The following SRC variants were observed in gnomAD, a reference collection of about 807,000 sequenced individuals.
SRC encodes the protein proto-oncogene tyrosine-protein kinase Src.
SRC carries 13 observed loss-of-function variants against 62.9 expected under a neutral mutation model. That is an observed-to-expected ratio of 0.21 (90% CI 0.13 to 0.33). SRC has a LOEUF of 0.33. Among genes scored for constraint, SRC ranks in the 10% least tolerant of loss-of-function variants. The pLI is 1.00. For missense variants in SRC, 457 were observed against 737.3 expected, an observed-to-expected ratio of 0.62 and a Z score of 4.40; for synonymous variants, 302 against 317.5, an observed-to-expected ratio of 0.95 and a Z score of 0.52.
chr20:37,371,673 G>C (rs999680178), intron 2 of SRC, among the ~76,000 whole-genome samples: 1 of 151,908 alleles, frequency 6.6e-6, no homozygotes, highest in African/African-American at 2.4e-5. Flanking sequence ...TTAGGTTATT[G>C]ATTTGAAATC....
intron 5 of SRC, among the ~76,000 whole-genome samples, chr20:37,391,470 CAGAG>C (rs781533136): frequency 9.9e-5 from 15 of 152,192 alleles, no homozygotes; most frequent in Non-Finnish European, 4.4e-5. Flanking sequence ...TGAAAGATCT[CAGAG>C]AGCTGTTTTC....
rs1241057049 is a variant in SRC at position 37,393,939 on chromosome 20, C to G, written c.395C>G (p.Thr132Arg). 1.2e-6 allele frequency: 2 copies of G among 1,614,028 alleles called. No homozygotes were observed. Among genetic ancestry groups the G allele is most frequent in the Non-Finnish European group, 1.7e-6 (2 of 1,180,048 alleles). Residue 132 changes from threonine to arginine, a missense_variant, in exon 6 of 14, where the codon ACA (threonine) becomes AGA (arginine). Coordinates refer to ENST00000373578, the MANE Select transcript of SRC (RefSeq NM_198291.3). Reference protein sequence around the residue: ...WLAHSLSTGQTGYIPSNYVAP... With the variant: ...WLAHSLSTGQRGYIPSNYVAP... Reference sequence around the variant, plus strand: ...GCCCACTCGCTCAGCACAGGACAGACAGGCTACATCCCCAGCAACTACGTG... The same window carrying G: ...GCCCACTCGCTCAGCACAGGACAGAGAGGCTACATCCCCAGCAACTACGTG...
intron 5 of SRC, 171 bp downstream of exon 5, chr20:37,386,345 C>T: frequency 2.7e-6 from 2 of 737,992 alleles, no homozygotes; most frequent in Non-Finnish European, 5.0e-6. Flanking sequence ...CTGGGCAGCA[C>T]CTGCTGTTGC....
chr20:37,369,007 C>G (rs951582331), intron 2 of SRC, among the ~76,000 whole-genome samples: 3 of 152,192 alleles, frequency 2.0e-5, no homozygotes, highest in Non-Finnish European at 4.4e-5. Context: ...AATTGACTGT[C>G]AATGTGATTG....
At chr20:37,380,855 TTTTTC>T (rs1440732212) in intron 2 of SRC, among the ~76,000 whole-genome samples, 1 of 151,922 alleles carries the variant, frequency 6.6e-6, no homozygotes, top group East Asian at 1.9e-4. Flanking sequence ...TTTCTTTTAT[TTTTTC>T]TTTTCTTTTT....
At chr20:37,394,080 G>A in intron 6 of SRC, 87 bp downstream of exon 6, 4 of 1,561,496 alleles carry the variant, frequency 2.6e-6, no homozygotes, top group Non-Finnish European at 3.5e-6. Flanking sequence ...TGGGAGGTCT[G>A]GCTGTCCAGC....
chr20:37,378,615 G>T (rs1254022112), intron 2 of SRC, among the ~76,000 whole-genome samples: 1 of 152,174 alleles, frequency 6.6e-6, no homozygotes, highest in Non-Finnish European at 1.5e-5. Flanking sequence ...TGTAATGGCT[G>T]CACTGCTGTC....
intron 10 of SRC, 89 bp downstream of exon 10, chr20:37,400,383 G>C: frequency 3.2e-6 from 4 of 1,261,230 alleles, no homozygotes; most frequent in Non-Finnish European, 3.2e-6. Context: ...TCTAGAATGG[G>C]CATCTTCAAA....
chr20:37,398,325 C>T lies in SRC; in HGVS notation c.859+471C>T, dbSNP rs1306834809. On this transcript the variant is annotated intron_variant, in intron 9 of 13. Transcript: ENST00000373578. This position sits in a 1 kb window ranked among gnomAD's most constrained non-coding sequence, Gnocchi z 5.2. Reference sequence around the variant, plus strand: ...GCCTGTTAGCGATTTCCCGTCTGACCCTGGAGAAACAGCAAAGCATGAGCA... The same window carrying T: ...GCCTGTTAGCGATTTCCCGTCTGACTCTGGAGAAACAGCAAAGCATGAGCA... Among the ~76,000 whole-genome samples the T allele has an allele frequency of 6.6e-6, 1 of 152,178 alleles. No individual in the cohort carries two copies. Among genetic ancestry groups the T allele is most frequent in the Non-Finnish European group, 1.5e-5 (1 of 68,034 alleles).
chr20:37,371,555 T>C (rs564055311), intron 2 of SRC, among the ~76,000 whole-genome samples: 13 of 152,170 alleles, frequency 8.5e-5, no homozygotes, highest in African/African-American at 3.1e-4. Context: ...TCTCTATTGC[T>C]TTTTATTTTT....
Position 37,367,949 on chromosome 20 carries a change from A to G in SRC, c.-173+2672A>G, listed in dbSNP as rs551158961. On this transcript the variant is annotated intron_variant, in intron 2 of 13. Coordinates refer to ENST00000373578, the MANE Select transcript of SRC (RefSeq NM_198291.3). ...ATGAGCCACTGTAAGAGATTTTTATATATTGTAGATACAAGTCTCTTGTCA... is the reference window on the plus strand; with the variant it reads ...ATGAGCCACTGTAAGAGATTTTTATGTATTGTAGATACAAGTCTCTTGTCA... 9.8e-5 allele frequency among the ~76,000 whole-genome samples: 15 copies of G among 152,314 alleles called. No homozygotes were observed. In the East Asian group the frequency reaches 2.9e-3, roughly 29 times the overall value.
intron 11 of SRC, 62 bp downstream of exon 11, chr20:37,401,740 G>A: frequency 2.2e-6 from 3 of 1,347,130 alleles, no homozygotes; most frequent in Admixed American, 2.0e-5. Flanking sequence ...CCCATCTGGT[G>A]CAGCCAGTTC....
chr20:37,372,870 C>T (rs2146988252), intron 2 of SRC, among the ~76,000 whole-genome samples: 2 of 151,844 alleles, frequency 1.3e-5, no homozygotes, highest in Middle Eastern at 3.4e-3. Context: ...GTCCTTTGAA[C>T]TTGTTTATGA....
chr20:37,403,227 C>G lies in SRC; in HGVS notation c.1459C>G (p.Pro487Ala). The change falls in exon 14 of 14, where the codon CCG (proline) becomes GCG (alanine). Residue 487 changes from proline (P) to alanine (A), a missense_variant. Pro to Ala is a conservative substitution (Grantham distance 27). Transcript: ENST00000373578. The surrounding 1 kb of genome is among the most constrained non-coding windows in gnomAD (Gnocchi z 7.1). ...QVERGYRMPC[P>A]PECPESLHDL... ...GGAGCGGGGCTACCGGATGCCCTGC[C>G]CGCCGGAGTGTCCCGAGTCCCTGCA... 6.3e-7 allele frequency: 1 copy of G among 1,576,590 alleles called. No homozygotes were observed. Among genetic ancestry groups the G allele is most frequent in the Non-Finnish European group, 8.6e-7 (1 of 1,163,488 alleles).
chr20:37,403,136 G>T lies in SRC; in HGVS notation c.1403-35G>T. The stretch of plus-strand genomic sequence containing the variant: ...CTTCCCCCACCCCACTTTCCTCACC[G>T]GAGCCGGGCTCCCCATGCCTCGCTC... On this transcript the variant is annotated intron_variant, in intron 13 of 13. Coordinates refer to ENST00000373578, the MANE Select transcript of SRC (RefSeq NM_198291.3). The surrounding 1 kb of genome is among the most constrained non-coding windows in gnomAD (Gnocchi z 7.1). 6.7e-7 allele frequency: 1 copy of T among 1,502,720 alleles called. No homozygotes were observed. 93.1% of individuals were successfully genotyped at this position (1,502,720 alleles called of 1,614,324 possible).
intron 2 of SRC, among the ~76,000 whole-genome samples, chr20:37,381,397 T>C (rs767133755): frequency 6.6e-6 from 1 of 152,202 alleles, no homozygotes; most frequent in South Asian, 2.1e-4. Context: ...TCATGGCACA[T>C]CAGCCAAGTA....
rs1568644159 is a variant in SRC, at chr20:37,398,310, G to A, written c.859+456G>A. Among the ~76,000 whole-genome samples the A allele has an allele frequency of 1.3e-5, 2 of 152,182 alleles. No homozygotes were observed. The highest frequency in any genetic ancestry group is 4.1e-4 in the South Asian group (2 of 4,830). On this transcript the variant is annotated intron_variant, in intron 9 of 13. Coordinates refer to ENST00000373578, the MANE Select transcript of SRC (RefSeq NM_198291.3). This position sits in a 1 kb window ranked among gnomAD's most constrained non-coding sequence, Gnocchi z 5.2. The stretch of plus-strand genomic sequence containing the variant: ...TCTGGCATGGTCTGGGCCTGTTAGC[G>A]ATTTCCCGTCTGACCCTGGAGAAAC...
intron 5 of SRC, among the ~76,000 whole-genome samples, chr20:37,389,020 C>A (rs1003848633): frequency 6.6e-6 from 1 of 152,106 alleles, no homozygotes; most frequent in African/African-American, 2.4e-5. Context: ...GGAGGCTGGG[C>A]TGGCTGTCAG....
rs148049198 is a variant in SRC at position 37,397,806 on chromosome 20, C to T, written c.811C>T (p.Arg271Trp). ...CTGGGAGATCCCTCGGGAGTCGCTG[C>T]GGCTGGAGGTCAAGCTGGGCCAGGG... is the stretch of plus-strand genomic sequence containing the variant. Reference protein sequence around the residue: ...DAWEIPRESLRLEVKLGQGCF... With the variant: ...DAWEIPRESLWLEVKLGQGCF... Residue 271 changes from arginine (R) to tryptophan (W), a missense_variant, in exon 9 of 14, where the codon CGG becomes TGG. Physicochemically the swap from Arg to Trp is moderately radical, Grantham distance 101. This residue lies in a region of SRC where 141 missense variants were observed against 198.4 expected (regional missense o/e 0.71). Transcript: ENST00000373578. The surrounding 1 kb of genome is among the most constrained non-coding windows in gnomAD (Gnocchi z 4.1). 1.8e-4 allele frequency: 285 copies of T among 1,611,958 alleles called. No individual in the cohort carries two copies. The highest frequency in any genetic ancestry group is 3.9e-4 in the Middle Eastern group (2 of 5,124).
Sources: allele counts gnomAD v4.1 joint callset (sites outside exome capture counted in the v4.1 genomes callset), GRCh38; gene constraint gnomAD v4.1.1; regional missense constraint gnomAD v4.1.1; non-coding constraint Gnocchi (gnomAD v3.1); transcripts MANE v1.5; gene names NCBI Gene and HGNC (gene_info 2026-07-23, HGNC 2026-07-21).